ROBO2: variants seen among roughly 807,000 people sequenced by gnomAD.
ROBO2 encodes roundabout guidance receptor 2.
ROBO2 carries 53 observed loss-of-function variants against 160.8 expected under a neutral mutation model. The ratio of observed to expected loss-of-function variants is 0.33; its 90% CI spans 0.26 to 0.41. The LOEUF (loss-of-function observed/expected upper bound fraction) is 0.41. ROBO2 is among the 10% of genes least tolerant of loss of function. The probability of loss-of-function intolerance (pLI) is 1.00; values close to 1 mark genes in which losing one functional copy is unlikely to be tolerated. For synonymous variants in ROBO2, 664 were observed against 611.7 expected (o/e 1.09, Z -1.26); for missense variants, 1,577 against 1,722.4 (o/e 0.92, Z 1.49).
At position 76,357,648 on chromosome 3, in the gene ROBO2, C is replaced by T. The variant is rs190067515; in HGVS notation, c.109+420046C>T. Among the ~76,000 whole-genome samples, 907 of 151,868 alleles carry T rather than the reference C, an allele frequency of 6.0e-3. 1 individual carries two copies. The highest frequency in any genetic ancestry group is 0.011 in the Non-Finnish European group (721 of 67,884). On this transcript the variant is annotated intron_variant, in intron 2 of 26. Coordinates refer to the ROBO2 transcript ENST00000487694. ...TCCAATCAAGATTAATTGACTTGAA[C>T]GTTTAATAACAAAAGCAAAACTGCC...
At chr3:75,968,291 C>T (rs566857444) in intron 2 of ROBO2, among the ~76,000 whole-genome samples, 1 of 151,498 alleles carries the variant, frequency 6.6e-6, no homozygotes, top group South Asian at 2.1e-4. Flanking sequence ...TTTATCATGT[C>T]CCCTCAGGCT....
chr3:77,265,854 GT>G (rs2059088404), intron 2 of ROBO2, among the ~76,000 whole-genome samples: 1 of 152,064 alleles, frequency 6.6e-6, no homozygotes, highest in South Asian at 2.1e-4. Flanking sequence ...AATTAATTAC[GT>G]TTTACATCAA....
At chr3:76,667,837 A>T (rs947181334) in intron 2 of ROBO2, among the ~76,000 whole-genome samples, 14 of 152,104 alleles carry the variant, frequency 9.2e-5, no homozygotes, top group African/African-American at 3.4e-4. Flanking sequence ...CATAAAAACG[A>T]CTGTAGTTAT....
chr3:77,553,836 C>A (rs945223278), intron 8 of ROBO2, among the ~76,000 whole-genome samples: 2 of 151,892 alleles, frequency 1.3e-5, no homozygotes, highest in Non-Finnish European at 2.9e-5. Flanking sequence ...AAAAAGCCAT[C>A]TTCATAACTA....
intron 2 of ROBO2, among the ~76,000 whole-genome samples, chr3:76,115,676 T>A (rs1677273650): frequency 6.6e-6 from 1 of 151,972 alleles, no homozygotes; most frequent in Non-Finnish European, 1.5e-5. Flanking sequence ...TTTTAAAAAA[T>A]TAAATAAACA....
At chr3:77,105,759 ACT>A (rs1229425452) in intron 2 of ROBO2, among the ~76,000 whole-genome samples, 1 of 152,044 alleles carries the variant, frequency 6.6e-6, no homozygotes. Flanking sequence ...GCCTGAATTA[ACT>A]CTGACTCCCA....
chr3:77,376,790 C>G (rs1303867135), intron 2 of ROBO2, among the ~76,000 whole-genome samples: 2 of 152,206 alleles, frequency 1.3e-5, no homozygotes, highest in Non-Finnish European at 2.9e-5. Flanking sequence ...GGGCTGGGCT[C>G]AAGTTCTGAA....
At chr3:76,607,934 T>C (rs1471557160) in intron 2 of ROBO2, among the ~76,000 whole-genome samples, 1 of 152,214 alleles carries the variant, frequency 6.6e-6, no homozygotes, top group Non-Finnish European at 1.5e-5. Context: ...TATAAACCTA[T>C]CTTCCTAACT....
chr3:76,955,888 CAAA>C (rs35674535), intron 2 of ROBO2, among the ~76,000 whole-genome samples: 9 of 124,058 alleles, frequency 7.3e-5, no homozygotes, highest in African/African-American at 9.3e-5. Context: ...GAGACTCCGT[CAAA>C]AAAAAAAAAA....
At chr3:77,015,270 G>A (rs112863607) in intron 2 of ROBO2, among the ~76,000 whole-genome samples, 2,891 of 152,272 alleles carry the variant, frequency 0.019, 117 homozygotes, top group African/African-American at 0.066. Context: ...TCATTTAAGG[G>A]TTGTTATTAG....
At chr3:76,226,038 G>T (rs1302961772) in intron 2 of ROBO2, among the ~76,000 whole-genome samples, 4 of 151,924 alleles carry the variant, frequency 2.6e-5, no homozygotes, top group Non-Finnish European at 5.9e-5. Flanking sequence ...TTTTAATTTA[G>T]GCCTCTAAAA....
chr3:76,030,981 G>A (rs1412651887), intron 2 of ROBO2, among the ~76,000 whole-genome samples: 10 of 152,116 alleles, frequency 6.6e-5, no homozygotes, highest in Non-Finnish European at 1.5e-4. Flanking sequence ...TCACAATATT[G>A]ATTCTTCCTA....
intron 2 of ROBO2, among the ~76,000 whole-genome samples, chr3:77,387,328 C>T (rs2153494731): frequency 8.7e-6 from 1 of 114,370 alleles, no homozygotes; most frequent in African/African-American, 3.4e-5. Context: ...CATAGGGAAA[C>T]CCCGTCTCTC....
intron 2 of ROBO2, among the ~76,000 whole-genome samples, chr3:76,559,292 T>C (rs1378329265): frequency 6.6e-6 from 1 of 152,124 alleles, no homozygotes; most frequent in Non-Finnish European, 1.5e-5. Flanking sequence ...GGAAGATAGA[T>C]TTGGGTTCAA....
At chr3:77,583,191 G>A (rs993265021) in intron 16 of ROBO2, among the ~76,000 whole-genome samples, 1 of 148,180 alleles carries the variant, frequency 6.7e-6, no homozygotes, top group Non-Finnish European at 1.5e-5. Context: ...AACATTTTCA[G>A]TCCCCTCAGC....
intron 2 of ROBO2, among the ~76,000 whole-genome samples, chr3:76,443,264 A>T (rs1443959111): frequency 2.6e-5 from 4 of 152,120 alleles, no homozygotes; most frequent in Non-Finnish European, 4.4e-5. Flanking sequence ...ACCTCCCATC[A>T]GGCCCCACCT....
Position 76,459,104 on chromosome 3 carries a change from A to C in ROBO2, c.109+521502A>C, listed in dbSNP as rs528021482. 2.0e-5 allele frequency among the ~76,000 whole-genome samples: 3 copies of C among 151,026 alleles called. No homozygotes were observed. In the South Asian group the frequency reaches 6.2e-4, roughly 31 times the overall value. ...TTTGTTATTTGTTTACATGCATTAAAACACTTTCCTTTTGGCTCACTCCGC... is the reference window on the plus strand; with the variant it reads ...TTTGTTATTTGTTTACATGCATTAACACACTTTCCTTTTGGCTCACTCCGC... On this transcript the variant is annotated intron_variant, in intron 2 of 26. Coordinates refer to the ROBO2 transcript ENST00000487694.
At chr3:76,749,001 T>C (rs960854137) in intron 2 of ROBO2, among the ~76,000 whole-genome samples, 4 of 151,948 alleles carry the variant, frequency 2.6e-5, no homozygotes, top group Middle Eastern at 3.4e-3. Flanking sequence ...ATATTTATGA[T>C]ACACTAAAAA....
intron 2 of ROBO2, among the ~76,000 whole-genome samples, chr3:76,639,286 G>GTACC (rs2090509867): frequency 6.6e-6 from 1 of 150,902 alleles, no homozygotes. Flanking sequence ...ATACATATAG[G>GTACC]TATATATGTA....
Sources: gnomAD v4.1 joint callset for allele counts (sites outside exome capture counted in the v4.1 genomes callset) on GRCh38, gnomAD v4.1.1 for gene constraint, MANE v1.5 for transcripts, NCBI Gene and HGNC (gene_info 2026-07-23, HGNC 2026-07-21) for gene names.